The following DLGAP2 variants were observed in gnomAD, a reference collection of about 807,000 sequenced individuals.
DLGAP2 encodes the protein disks large-associated protein 2.
DLGAP2 carries 26 observed loss-of-function variants against 100.3 expected under a neutral mutation model. The ratio of observed to expected loss-of-function variants is 0.26; its 90% CI spans 0.19 to 0.36. The LOEUF (loss-of-function observed/expected upper bound fraction) is 0.36, where lower values mean the gene tolerates loss of function less well. Ranked by LOEUF, DLGAP2 falls within the 10% of genes least tolerant of loss-of-function variation. The pLI is 1.00. For synonymous variants in DLGAP2, 886 were observed against 630.1 expected (o/e 1.41, Z -6.08); for missense variants, 1,858 against 1,453.2 (o/e 1.28, Z -4.53).
chr8:1,419,623 C>G (rs566004209), intron 3 of DLGAP2, among the ~76,000 whole-genome samples: 8 of 152,288 alleles, frequency 5.3e-5, no homozygotes, highest in Admixed American at 3.3e-4. Context: ...AGCATCGCAT[C>G]ACTAATCCCC....
chr8:1,010,060 G>C (rs1444137222), intron 2 of DLGAP2, among the ~76,000 whole-genome samples: 2 of 152,078 alleles, frequency 1.3e-5, no homozygotes, highest in African/African-American at 4.8e-5. Context: ...TTAATATCGT[G>C]GTATCAGTGA....
rs757114007 is a variant in DLGAP2 at position 1,626,748 on chromosome 8, A to G, written c.1451A>G (p.Tyr484Cys). 3 of 1,601,356 alleles carry G rather than the reference A, an allele frequency of 1.9e-6. No homozygotes were observed. Among genetic ancestry groups the G allele is most frequent in the Non-Finnish European group, 1.7e-6 (2 of 1,174,354 alleles). ...RPLGEHQTQT[Y>C]LQAASDVPVG... ...TTTCTTCTTTCCTGTAGCCAGACCT[A>G]CCTGCAAGCTGCAAGCGATGTGCCT... Residue 484 changes from tyrosine to cysteine, a missense_variant, in exon 7 of 15, where the codon TAC (tyrosine) becomes TGC (cysteine). Tyr to Cys is a radical substitution (Grantham distance 194). Transcript: ENST00000637795.
At position 1,186,253 on chromosome 8, in the gene DLGAP2, T is replaced by G. The variant is rs1248731852; in HGVS notation, c.74-72598T>G. Among the ~76,000 whole-genome samples, 3 of 152,228 alleles carry G rather than the reference T, an allele frequency of 2.0e-5. No homozygotes were observed. The East Asian group carries it at 5.8e-4, about 29-fold the overall frequency. On this transcript the variant is annotated intron_variant, in intron 2 of 14. Coordinates refer to ENST00000637795, the MANE Select transcript of DLGAP2 (RefSeq NM_001346810.2). Reference sequence around the variant, plus strand: ...TGCCCTAGCAGCAGCTATGCTGGAGTTACTAGAGGGCCGAGCATCTGCGAA... The same window carrying G: ...TGCCCTAGCAGCAGCTATGCTGGAGGTACTAGAGGGCCGAGCATCTGCGAA...
chr8:1,614,043 C>A (rs1308030455), intron 6 of DLGAP2, among the ~76,000 whole-genome samples: 1 of 152,098 alleles, frequency 6.6e-6, no homozygotes, highest in African/African-American at 2.4e-5. Flanking sequence ...AAATGGGCCT[C>A]AGGAGGCCTT....
At chr8:1,489,737 AT>A (rs1304018709) in intron 3 of DLGAP2, among the ~76,000 whole-genome samples, 3 of 152,222 alleles carry the variant, frequency 2.0e-5, no homozygotes, top group Non-Finnish European at 4.4e-5. Flanking sequence ...GCAAACTCAG[AT>A]CACAAACCGC....
intron 2 of DLGAP2, among the ~76,000 whole-genome samples, chr8:1,117,437 G>A (rs1805153172): frequency 6.6e-6 from 1 of 152,240 alleles, no homozygotes; most frequent in Non-Finnish European, 1.5e-5. Flanking sequence ...CAGATTCACA[G>A]AGAAGAAACA....
At chr8:1,272,237 G>T (rs1429049885) in intron 3 of DLGAP2, among the ~76,000 whole-genome samples, 4 of 152,184 alleles carry the variant, frequency 2.6e-5, no homozygotes, top group African/African-American at 4.8e-5. Context: ...TTGAATTTGA[G>T]TTGGTATTTC....
chr8:1,631,075 G>A (rs993716030), intron 7 of DLGAP2, among the ~76,000 whole-genome samples: 12 of 152,036 alleles, frequency 7.9e-5, no homozygotes, highest in African/African-American at 2.9e-4. Flanking sequence ...CGGGAGGTCC[G>A]GGTGAACAGA....
At chr8:1,115,774 C>T (rs993772879) in intron 2 of DLGAP2, among the ~76,000 whole-genome samples, 1 of 152,182 alleles carries the variant, frequency 6.6e-6, no homozygotes, top group African/African-American at 2.4e-5. Context: ...GTCAGCCACA[C>T]TCATTTTAAG....
chr8:1,192,248 C>G (rs1292916565), intron 2 of DLGAP2, among the ~76,000 whole-genome samples: 2 of 152,150 alleles, frequency 1.3e-5, no homozygotes, highest in African/African-American at 4.8e-5. Context: ...CTGAGCTGGG[C>G]AATGGGTTTA....
At chr8:887,945 T>C (rs1797954576) in intron 1 of DLGAP2, among the ~76,000 whole-genome samples, 1 of 152,240 alleles carries the variant, frequency 6.6e-6, no homozygotes, top group Non-Finnish European at 1.5e-5. Flanking sequence ...GCAGAAGTTC[T>C]CCTGGATAAT....
intron 2 of DLGAP2, among the ~76,000 whole-genome samples, chr8:1,010,659 A>G (rs1801254775): frequency 6.6e-6 from 1 of 152,260 alleles, no homozygotes; most frequent in Non-Finnish European, 1.5e-5. Flanking sequence ...CTTTTCCCAT[A>G]GCTAGCCACC....
intron 2 of DLGAP2, among the ~76,000 whole-genome samples, chr8:1,207,252 C>T (rs1459534034): frequency 6.6e-6 from 1 of 152,174 alleles, no homozygotes; most frequent in African/African-American, 2.4e-5. Flanking sequence ...TCCCCGAGTC[C>T]CCAAAGTCCA....
intron 4 of DLGAP2, among the ~76,000 whole-genome samples, chr8:1,535,052 G>C (rs925943129): frequency 1.3e-5 from 2 of 152,202 alleles, no homozygotes; most frequent in African/African-American, 4.8e-5. Flanking sequence ...GTTGCAAAGG[G>C]CAGGCACCCG....
intron 3 of DLGAP2, among the ~76,000 whole-genome samples, chr8:1,496,824 C>T (rs930707374): frequency 3.3e-5 from 5 of 152,172 alleles, no homozygotes; most frequent in African/African-American, 1.2e-4. Context: ...CTGCTGTGCC[C>T]AGAGGTGTGC....
chr8:1,408,323 G>C (rs528461418), intron 3 of DLGAP2, among the ~76,000 whole-genome samples: 2 of 152,368 alleles, frequency 1.3e-5, no homozygotes, highest in South Asian at 2.1e-4. Context: ...GAGTGTCCGA[G>C]GGTTTCCCCT....
intron 1 of DLGAP2, among the ~76,000 whole-genome samples, chr8:829,274 C>G (rs1470156589): frequency 1.3e-5 from 2 of 152,148 alleles, no homozygotes; most frequent in Admixed American, 1.3e-4. Context: ...TGTTGGAAAC[C>G]AAGTTCTAGT....
intron 3 of DLGAP2, among the ~76,000 whole-genome samples, chr8:1,491,695 A>G (rs984282687): frequency 6.6e-6 from 1 of 152,246 alleles, no homozygotes; most frequent in Admixed American, 6.5e-5. Flanking sequence ...CATGCGAACA[A>G]TGTTCAAGTT....
At chr8:934,474 C>T (rs947717821) in intron 2 of DLGAP2, among the ~76,000 whole-genome samples, 5 of 152,208 alleles carry the variant, frequency 3.3e-5, no homozygotes, top group Non-Finnish European at 5.9e-5. Flanking sequence ...GTGGGACCTG[C>T]TTGAAACAGG....
Sources: allele counts gnomAD v4.1 joint callset (sites outside exome capture counted in the v4.1 genomes callset), GRCh38; gene constraint gnomAD v4.1.1; transcripts MANE v1.5; gene names NCBI Gene and HGNC (gene_info 2026-07-23, HGNC 2026-07-21).